The following COL5A1 variants were observed in gnomAD, a reference collection of about 807,000 sequenced individuals.
COL5A1 encodes collagen type V alpha 1 chain.
A neutral mutation model predicts 263.7 loss-of-function variants in COL5A1; 16 were observed. That is an observed-to-expected ratio of 0.06 (90% confidence interval 0.04 to 0.09). The LOEUF is 0.09. Ranked by LOEUF, COL5A1 falls within the 10% of genes least tolerant of loss-of-function variation. The pLI is 1.00. For synonymous variants in COL5A1, 1,012 were observed against 1,004.5 expected (o/e 1.01, Z -0.14); for missense variants, 2,036 against 2,540.5 (o/e 0.80, Z 4.27).
Position 134,754,005 on chromosome 9 carries a change from G to A in COL5A1, c.1773+102G>A. On this transcript the variant is annotated intron_variant, in intron 15 of 65. Transcript: ENST00000371817. The surrounding 1 kb of genome is among the most constrained non-coding windows in gnomAD (Gnocchi z 4.3). ...ACCCCAACTGCTGCATGTTTTCAAG[G>A]AAATTCGTGGGAATTGTCCTTGCTT... 9.1e-7 allele frequency: 1 copy of A among 1,104,026 alleles called. No individual in the cohort carries two copies. The highest frequency in any genetic ancestry group is 1.2e-5 in the South Asian group (1 of 80,178). The allele number at this position is 1,104,026 out of a possible 1,614,324, so 68.4% of individuals were successfully genotyped here.
At chr9:134,769,863 C>T (rs1404638233) in intron 25 of COL5A1, among the ~76,000 whole-genome samples, 1 of 152,124 alleles carries the variant, frequency 6.6e-6, no homozygotes, top group Non-Finnish European at 1.5e-5. Flanking sequence ...AAGGGGGCTG[C>T]ACCCCACCTT....
At chr9:134,828,996 G>A (rs567464168) in intron 63 of COL5A1, among the ~76,000 whole-genome samples, 43 of 150,210 alleles carry the variant, frequency 2.9e-4, no homozygotes, top group African/African-American at 6.0e-4. Context: ...CACCATGCAC[G>A]CGCACACACA....
chr9:134,711,454 T>C (rs1471985915), intron 4 of COL5A1, among the ~76,000 whole-genome samples: 8 of 152,108 alleles, frequency 5.3e-5, no homozygotes, highest in Non-Finnish European at 1.2e-4. Flanking sequence ...CCAGTCTGTT[T>C]GAAGATCCAG....
intron 4 of COL5A1, among the ~76,000 whole-genome samples, chr9:134,723,289 G>A (rs1255256233): frequency 6.7e-6 from 1 of 150,326 alleles, no homozygotes; most frequent in African/African-American, 2.5e-5. Context: ...GGGGCTCGGC[G>A]GTGCTGTCCA....
At position 134,836,200 on chromosome 9, in the gene COL5A1, G is replaced by C. The variant is rs141185521; in HGVS notation, c.5370+996G>C. Among the ~76,000 whole-genome samples the C allele has an allele frequency of 3.9e-3, 597 of 151,814 alleles. 3 individuals carry two copies. Among genetic ancestry groups the C allele is most frequent in the African/African-American group, 0.014 (570 of 41,084 alleles). On this transcript the variant is annotated intron_variant, in intron 65 of 65. Coordinates refer to ENST00000371817, the MANE Select transcript of COL5A1 (RefSeq NM_000093.5). ...CAGCTCTGCAGGCTGTCCAGGAATC[G>C]TTGTGTGGTGCCAGCATCTGCGTCC...
At chr9:134,840,949 C>T (rs183008224) in intron 65 of COL5A1, among the ~76,000 whole-genome samples, 2 of 152,324 alleles carry the variant, frequency 1.3e-5, no homozygotes, top group African/African-American at 4.8e-5. Context: ...CCTTCAAGGC[C>T]ACGCCCTCCC....
chr9:134,654,557 G>T (rs1159617901), intron 1 of COL5A1, among the ~76,000 whole-genome samples: 1 of 134,814 alleles, frequency 7.4e-6, no homozygotes, highest in Non-Finnish European at 1.6e-5. Context: ...GTGTGTGTAG[G>T]GCTGGGTGTG....
chr9:134,823,745 C>T (rs773133835), intron 61 of COL5A1, among the ~76,000 whole-genome samples: 14 of 152,224 alleles, frequency 9.2e-5, no homozygotes, highest in Admixed American at 5.9e-4. Context: ...AATGTGTGAA[C>T]GTGTAGTATA....
chr9:134,842,246 C>T lies in COL5A1; in HGVS notation c.5460C>T (p.Phe1820=), dbSNP rs768460206. ...TCGTGGACATCATGTTCAATGACTTCGGTGAAGCGTCACAGAAATTTGGAT... is the reference window on the plus strand; with the variant it reads ...TCGTGGACATCATGTTCAATGACTTTGGTGAAGCGTCACAGAAATTTGGAT... ...VPIVDIMFND[F]GEASQKFGFE... is the part of the protein sequence containing the mutation. The change falls in exon 66 of 66, where the codon TTC becomes TTT. Residue 1820 remains phenylalanine, a synonymous_variant. Transcript: ENST00000371817. This position sits in a 1 kb window ranked among gnomAD's most constrained non-coding sequence, Gnocchi z 5.8. The T allele has an allele frequency of 1.6e-5, 26 of 1,614,096 alleles. No individual in the cohort carries two copies. Among genetic ancestry groups the T allele is most frequent in the East Asian group, 2.2e-5 (1 of 44,892 alleles).
At chr9:134,774,938 G>A (rs770361408) in intron 27 of COL5A1, 26 bp downstream of exon 27, 1 of 1,610,126 alleles carries the variant, frequency 6.2e-7, no homozygotes, top group South Asian at 1.1e-5. Flanking sequence ...GCCACTCCAG[G>A]TCGTCCTGGA....
At position 134,759,820 on chromosome 9, in the gene COL5A1, A is replaced by G. The variant is rs1273403146; in HGVS notation, c.1935+1524A>G. ...ACACCACACATGCACACACGCATAC[A>G]CACCCACACCCCCCCACTCACGCAC... On this transcript the variant is annotated intron_variant, in intron 18 of 65. Transcript: ENST00000371817. Among the ~76,000 whole-genome samples, 3 of 80,960 alleles carry G rather than the reference A, an allele frequency of 3.7e-5. No individual in the cohort carries two copies. The East Asian group carries it at 1.2e-3, about 33-fold the overall frequency. The allele number at this position is 80,960 out of a possible 152,430, so 53.1% of individuals were successfully genotyped here. A position where few individuals can be genotyped will look rare whatever the true frequency, so the allele number is the denominator to read the frequency against.
At chr9:134,799,585 G>A (rs73561912) in intron 37 of COL5A1, among the ~76,000 whole-genome samples, 14,523 of 152,204 alleles carry the variant, frequency 0.095, 1,299 homozygotes, top group African/African-American at 0.24. Flanking sequence ...AGGTCCCCTC[G>A]TGGAATGGGT....
rs1564383019 is a variant in COL5A1, at chr9:134,680,904, G to C, written c.110-10008G>C. ...GCGCAGGGACAGGCTGGGAGTTTGG[G>C]CTCAGGTCTCCAGGTCTCCGCCTGG... is the stretch of plus-strand genomic sequence containing the variant. On this transcript the variant is annotated intron_variant, in intron 1 of 65. Transcript: ENST00000371817. The surrounding 1 kb of genome is among the most constrained non-coding windows in gnomAD (Gnocchi z 5.9). Among the ~76,000 whole-genome samples, 1 of 152,158 alleles carries C rather than the reference G, an allele frequency of 6.6e-6. No individual in the cohort carries two copies. Among genetic ancestry groups the C allele is most frequent in the Non-Finnish European group, 1.5e-5 (1 of 68,020 alleles).
chr9:134,813,453 A>G (rs1055683869), intron 48 of COL5A1, among the ~76,000 whole-genome samples: 5 of 152,232 alleles, frequency 3.3e-5, no homozygotes, highest in African/African-American at 1.2e-4. Context: ...TGATACAGAA[A>G]TTAAAGAGGA....
Position 134,812,350 on chromosome 9 carries a change from G to A in COL5A1, c.3691-99G>A. On this transcript the variant is annotated intron_variant, in intron 46 of 65. Transcript: ENST00000371817. ...GAAGCACCTTCCCGGGGCTTCGGGG[G>A]CTCAGTGGTGCTGTGTGGGTGGAGG... 4 of 1,257,906 alleles carry A rather than the reference G, an allele frequency of 3.2e-6. No individual in the cohort carries two copies. In the South Asian group the frequency reaches 3.7e-5, roughly 11 times the overall value. The allele number at this position is 1,257,906 out of a possible 1,614,324, so 77.9% of individuals were successfully genotyped here.
chr9:134,760,668 A>C (rs1370902490), intron 18 of COL5A1, among the ~76,000 whole-genome samples: 2 of 106,470 alleles, frequency 1.9e-5, no homozygotes, highest in Admixed American at 1.0e-4. Context: ...CACACACCAC[A>C]CATGCACACC....
chr9:134,820,678 T>C (rs1478766563), intron 58 of COL5A1, among the ~76,000 whole-genome samples: 1 of 152,134 alleles, frequency 6.6e-6, no homozygotes. Flanking sequence ...CATTGGAGTT[T>C]GCAGCCTCTG....
rs551018026 is a variant in COL5A1, at chr9:134,747,822, C to T, written c.1495-2720C>T. Among the ~76,000 whole-genome samples, 9 of 93,942 alleles carry T rather than the reference C, an allele frequency of 9.6e-5. 1 individual carries two copies. In the East Asian group the frequency reaches 2.5e-3, roughly 26 times the overall value. 61.6% of individuals were successfully genotyped at this position (93,942 alleles called of 152,430 possible). ...ACACATGCAGACACATGCACACATG[C>T]GTTCATACACATGCAGACACATGCA... is the stretch of plus-strand genomic sequence containing the variant. On this transcript the variant is annotated intron_variant, in intron 11 of 65. Transcript: ENST00000371817.
At chr9:134,827,488 C>A (rs1379047390) in intron 63 of COL5A1, among the ~76,000 whole-genome samples, 1 of 152,252 alleles carries the variant, frequency 6.6e-6, no homozygotes, top group Non-Finnish European at 1.5e-5. Context: ...CCAGAGGCCC[C>A]GCGTGGAATT....
Sources: gnomAD v4.1 joint callset for allele counts (sites outside exome capture counted in the v4.1 genomes callset) on GRCh38, gnomAD v4.1.1 for gene constraint, Gnocchi (gnomAD v3.1) non-coding constraint, MANE v1.5 for transcripts, NCBI Gene and HGNC (gene_info 2026-07-23, HGNC 2026-07-21) for gene names.